PTPRT: variants seen among roughly 807,000 people sequenced by gnomAD.
PTPRT encodes the protein receptor-type tyrosine-protein phosphatase T.
A neutral mutation model predicts 176.8 loss-of-function variants in PTPRT; 56 were observed. That is an observed-to-expected ratio of 0.32 (90% CI 0.26 to 0.40). The LOEUF (loss-of-function observed/expected upper bound fraction) is 0.40. Among genes scored for constraint, PTPRT ranks in the 10% least tolerant of loss-of-function variants. The pLI, the probability that PTPRT is intolerant of heterozygous loss-of-function variation, is 1.00. For missense variants in PTPRT, 1,540 were observed against 1,908.2 expected (o/e 0.81, Z 3.60); for synonymous variants, 783 against 739.0 (o/e 1.06, Z -0.96).
At chr20:42,887,595 C>T (rs1421491106) in intron 1 of PTPRT, among the ~76,000 whole-genome samples, 1 of 152,188 alleles carries the variant, frequency 6.6e-6, no homozygotes, top group Non-Finnish European at 1.5e-5. Flanking sequence ...CCATCAGCTG[C>T]AAAGAACCAA....
At chr20:42,753,258 T>G (rs781361758) in intron 6 of PTPRT, among the ~76,000 whole-genome samples, 44 of 152,108 alleles carry the variant, frequency 2.9e-4, no homozygotes, top group Non-Finnish European at 5.9e-4. Flanking sequence ...GTCCTGTTTC[T>G]CAACCTGGCT....
chr20:42,187,435 A>C (rs1990824930), intron 16 of PTPRT, among the ~76,000 whole-genome samples: 1 of 152,164 alleles, frequency 6.6e-6, no homozygotes. Flanking sequence ...TTTCAAAATT[A>C]TGTAGGAAGC....
At position 42,263,371 on chromosome 20, in the gene PTPRT, C is replaced by CTTTT. The variant is rs11477690; in HGVS notation, c.2177-14553_2177-14550dup. On this transcript the variant is annotated intron_variant, in intron 13 of 30. Transcript: ENST00000373187. ...CACAGGCATGCGCTGCCATGCCTGG[C>CTTTT]TTTTTTTTTTTTTTTTTTTTTTTTT... Among the ~76,000 whole-genome samples the CTTTT allele has an allele frequency of 7.9e-3, 401 of 50,978 alleles. 113 individuals are homozygous for CTTTT. Among genetic ancestry groups the CTTTT allele is most frequent in the African/African-American group, 0.041 (380 of 9,262 alleles). 33.4% of individuals were successfully genotyped at this position (50,978 alleles called of 152,430 possible).
chr20:42,592,469 T>C (rs940967399), intron 7 of PTPRT, among the ~76,000 whole-genome samples: 3 of 152,204 alleles, frequency 2.0e-5, no homozygotes, highest in Admixed American at 6.5e-5. Context: ...CTACTCAGGA[T>C]ACTGGGCCAT....
At chr20:42,667,133 T>G (rs1191545613) in intron 7 of PTPRT, among the ~76,000 whole-genome samples, 1 of 152,218 alleles carries the variant, frequency 6.6e-6, no homozygotes, top group Admixed American at 6.5e-5. Flanking sequence ...ATATTCAACA[T>G]TTTTCATCAG....
chr20:42,141,898 C>T lies in PTPRT; in HGVS notation c.2770+17G>A, dbSNP rs199886520. The T allele has an allele frequency of 2.2e-5, 36 of 1,608,512 alleles. No individual in the cohort carries two copies. The highest frequency in any genetic ancestry group is 3.1e-5 in the Non-Finnish European group (36 of 1,175,014). On this transcript the variant is annotated intron_variant, in intron 18 of 30. Coordinates refer to ENST00000373187, the MANE Select transcript of PTPRT (RefSeq NM_007050.6). ...CCTCAACACCTGAAGCTTAGGAGCT[C>T]CCAGAAGGGCACCTACAGGATATGA... is the stretch of plus-strand genomic sequence containing the variant.
At chr20:42,339,641 T>C (rs1454780456) in intron 11 of PTPRT, among the ~76,000 whole-genome samples, 3 of 152,156 alleles carry the variant, frequency 2.0e-5, no homozygotes, top group Non-Finnish European at 4.4e-5. Context: ...GACCAGTAGG[T>C]CACCTGGGAA....
intron 7 of PTPRT, among the ~76,000 whole-genome samples, chr20:42,557,498 T>C (rs1020328304): frequency 6.6e-6 from 1 of 152,072 alleles, no homozygotes; most frequent in African/African-American, 2.4e-5. Context: ...AACTGACTCA[T>C]AACCCCACCT....
At chr20:42,868,125 CTT>C (rs2078781889) in intron 2 of PTPRT, among the ~76,000 whole-genome samples, 1 of 152,000 alleles carries the variant, frequency 6.6e-6, no homozygotes, top group Admixed American at 6.6e-5. Context: ...AGCTGGAAGA[CTT>C]TAGAGATTCA....
In PTPRT at chr20:42,937,303, C is replaced by T. The variant is rs190122270; in HGVS notation, c.89-51371G>A. On this transcript the variant is annotated intron_variant, in intron 1 of 30. Coordinates refer to ENST00000373187, the MANE Select transcript of PTPRT (RefSeq NM_007050.6). ...TCATAGGATCTCTAGCAGTCAGAGA[C>T]TGTGGCTCTCAAGCTCCTTGGCAGT... Among the ~76,000 whole-genome samples, 342 of 152,288 alleles carry T rather than the reference C, an allele frequency of 2.2e-3. 1 individual carries two copies. The highest frequency in any genetic ancestry group is 7.9e-3 in the African/African-American group (328 of 41,568).
In PTPRT at chr20:42,141,220, C is replaced by A. The variant is rs200298729; in HGVS notation, c.2770+695G>T. 8.5e-5 allele frequency among the ~76,000 whole-genome samples: 13 copies of A among 152,300 alleles called. No individual in the cohort carries two copies. The East Asian group carries it at 1.5e-3, about 18-fold the overall frequency. On this transcript the variant is annotated intron_variant, in intron 18 of 30. Coordinates refer to ENST00000373187, the MANE Select transcript of PTPRT (RefSeq NM_007050.6). ...GCAGGCCCTCACCTCAGAGCCCCTG[C>A]CCTACTATAGTGGGGACAGGTAGAA...
chr20:42,230,538 A>G (rs547642945), intron 15 of PTPRT, among the ~76,000 whole-genome samples: 1 of 152,340 alleles, frequency 6.6e-6, no homozygotes, highest in Non-Finnish European at 1.5e-5. Context: ...AAGGGATCCC[A>G]GAGAGGCATT....
Position 42,200,412 on chromosome 20 carries a change from A to G in PTPRT, c.2343-1024T>C, listed in dbSNP as rs117220032. Among the ~76,000 whole-genome samples, 37 of 152,336 alleles carry G rather than the reference A, an allele frequency of 2.4e-4. No individual in the cohort carries two copies. In the East Asian group the frequency reaches 6.9e-3, roughly 29 times the overall value. On this transcript the variant is annotated intron_variant, in intron 15 of 30. Coordinates refer to ENST00000373187, the MANE Select transcript of PTPRT (RefSeq NM_007050.6). ...GGACACTAGACACCTAGCAGTTGCT[A>G]TTCTTGTTTTTTCTACTATTGCCAG... is the stretch of plus-strand genomic sequence containing the variant.
chr20:42,629,479 T>A (rs144841492), intron 7 of PTPRT, among the ~76,000 whole-genome samples: 2 of 152,214 alleles, frequency 1.3e-5, no homozygotes, highest in Admixed American at 1.3e-4. Flanking sequence ...TAAATGGAAA[T>A]GGAAATTTCT....
At chr20:42,463,447 C>T (rs184549263) in intron 8 of PTPRT, among the ~76,000 whole-genome samples, 26 of 152,238 alleles carry the variant, frequency 1.7e-4, no homozygotes, top group African/African-American at 6.0e-4. Context: ...TTTAACTGTG[C>T]TTCTTGTCAG....
intron 7 of PTPRT, among the ~76,000 whole-genome samples, chr20:42,640,407 T>A (rs6102966): frequency 0.14 from 17,693 of 125,516 alleles, 1,093 homozygotes; most frequent in Non-Finnish European, 0.18. Context: ...AAAAAAAAAA[T>A]TTTTTTGAGA....
chr20:42,827,486 A>G (rs1407299010), intron 2 of PTPRT, among the ~76,000 whole-genome samples: 2 of 152,236 alleles, frequency 1.3e-5, no homozygotes, highest in African/African-American at 4.8e-5. Flanking sequence ...GGCAGACATC[A>G]AGAAGTTGTT....
intron 4 of PTPRT, among the ~76,000 whole-genome samples, chr20:42,777,795 T>C (rs1350177211): frequency 6.6e-6 from 1 of 152,196 alleles, no homozygotes; most frequent in Non-Finnish European, 1.5e-5. Flanking sequence ...CAACTCCACA[T>C]GATTCGTGAG....
At chr20:42,868,884 T>A (rs957415810) in intron 2 of PTPRT, among the ~76,000 whole-genome samples, 5 of 152,002 alleles carry the variant, frequency 3.3e-5, no homozygotes, top group Admixed American at 1.3e-4. Context: ...CCACCTCAAG[T>A]CTCTGCTTAC....
Sources: gnomAD v4.1 joint callset for allele counts (sites outside exome capture counted in the v4.1 genomes callset) on GRCh38, gnomAD v4.1.1 for gene constraint, MANE v1.5 for transcripts, NCBI Gene and HGNC (gene_info 2026-07-23, HGNC 2026-07-21) for gene names.